The following LRRIQ1 variants were observed in gnomAD, a reference collection of about 807,000 sequenced individuals.
LRRIQ1 encodes the protein leucine-rich repeat- and IQ domain-containing protein 1.
LRRIQ1 carries 210 observed loss-of-function variants against 211.9 expected under a neutral mutation model. That is an observed-to-expected ratio of 0.99 (90% confidence interval 0.89 to 1.11). LRRIQ1 has a LOEUF of 1.11. Among genes scored for constraint, LRRIQ1 ranks in the 50% most tolerant of loss-of-function variants. The probability of loss-of-function intolerance (pLI) is 0.00; values close to 1 mark genes in which losing one functional copy is unlikely to be tolerated. For synonymous variants in LRRIQ1, 699 were observed against 650.1 expected (o/e 1.08, Z -1.14); for missense variants, 2,136 against 1,939.5 (o/e 1.10, Z -1.90).
rs748948115 is a variant in LRRIQ1 at position 85,057,044 on chromosome 12, C to A, written c.2251C>A (p.Pro751Thr). 2 of 1,608,592 alleles carry A rather than the reference C, an allele frequency of 1.2e-6. No individual in the cohort carries two copies. The highest frequency in any genetic ancestry group is 2.2e-5 in the South Asian group (2 of 89,888). ...RRLAWIKSFK[P>T]WLEIFKQNQQ... The stretch of plus-strand genomic sequence containing the variant: ...ACTAGCCTGGATAAAATCATTTAAA[C>A]CTTGGCTTGAAATTTTCAAGCAAAA... Residue 751 changes from proline (P) to threonine (T), a missense_variant, in exon 8 of 27, where the codon CCT becomes ACT. Physicochemically the swap from Pro to Thr is conservative, Grantham distance 38 (BLOSUM62 -1). Coordinates refer to ENST00000393217, the MANE Select transcript of LRRIQ1 (RefSeq NM_001079910.2).
At position 85,153,190 on chromosome 12, in the gene LRRIQ1, C is replaced by A. The variant is rs759573917; in HGVS notation, c.4541+45C>A. 6 of 1,508,106 alleles carry A rather than the reference C, an allele frequency of 4.0e-6. No homozygotes were observed. The South Asian group carries it at 7.5e-5, about 19-fold the overall frequency. 93.4% of individuals were successfully genotyped at this position (1,508,106 alleles called of 1,614,324 possible). A position where few individuals can be genotyped will look rare whatever the true frequency, so the allele number is the denominator to read the frequency against. ...TAGAGAATCAACTTGTGAATGACAA[C>A]AGTATTACATATCATACAAAAGTAG... is the stretch of plus-strand genomic sequence containing the variant. On this transcript the variant is annotated intron_variant, in intron 21 of 26. Transcript: ENST00000393217.
chr12:85,183,385 G>GA (rs907819938), intron 24 of LRRIQ1, among the ~76,000 whole-genome samples: 20 of 149,974 alleles, frequency 1.3e-4, no homozygotes, highest in African/African-American at 3.4e-4. Flanking sequence ...CTTGTAGACT[G>GA]AAAAAAAAAT....
chr12:85,229,744 T>C, intron 25 of LRRIQ1, 95 bp downstream of exon 25: 2 of 1,287,764 alleles, frequency 1.6e-6, no homozygotes, highest in East Asian at 2.4e-5. Flanking sequence ...CATGACTTTA[T>C]TGCCAAAGGC....
chr12:85,197,381 A>G (rs1300003436), intron 24 of LRRIQ1, among the ~76,000 whole-genome samples: 2 of 151,862 alleles, frequency 1.3e-5, no homozygotes, highest in Admixed American at 6.6e-5. Flanking sequence ...ATGCACCTGT[A>G]TGTTTATTGC....
At chr12:85,194,872 A>G (rs1482378957) in intron 24 of LRRIQ1, among the ~76,000 whole-genome samples, 13 of 152,136 alleles carry the variant, frequency 8.5e-5, no homozygotes, top group East Asian at 1.9e-4. Context: ...CAAAAAATTA[A>G]TGAATCCAGG....
intron 18 of LRRIQ1, among the ~76,000 whole-genome samples, chr12:85,132,860 C>T (rs1262727492): frequency 6.6e-6 from 1 of 151,796 alleles, no homozygotes; most frequent in African/African-American, 2.4e-5. Context: ...TGTTATTTAT[C>T]TCTGTGGTAG....
chr12:85,201,445 A>G (rs1893288210), intron 24 of LRRIQ1, among the ~76,000 whole-genome samples: 1 of 151,664 alleles, frequency 6.6e-6, no homozygotes, highest in Admixed American at 6.6e-5. Context: ...TGGCCAACTT[A>G]CTACTGATTC....
At position 85,153,904 on chromosome 12, in the gene LRRIQ1, A is replaced by G; in HGVS notation, c.4638-108A>G. The G allele has an allele frequency of 3.1e-6, 3 of 955,320 alleles. No homozygotes were observed. The South Asian group carries it at 5.5e-5, about 18-fold the overall frequency. 59.2% of individuals were successfully genotyped at this position (955,320 alleles called of 1,614,324 possible). ...TTTAGTTTCTTAAATGGGAATTCACATTTATTTTAGTATGCTATAATTCAG... is the reference window on the plus strand; with the variant it reads ...TTTAGTTTCTTAAATGGGAATTCACGTTTATTTTAGTATGCTATAATTCAG... On this transcript the variant is annotated intron_variant, in intron 22 of 26. Coordinates refer to ENST00000393217, the MANE Select transcript of LRRIQ1 (RefSeq NM_001079910.2).
intron 19 of LRRIQ1, among the ~76,000 whole-genome samples, chr12:85,139,094 G>A (rs1889343516): frequency 6.6e-6 from 1 of 151,468 alleles, no homozygotes; most frequent in Non-Finnish European, 1.5e-5. Context: ...TACTTCCAAA[G>A]TAAGGGGTGG....
chr12:85,087,163 A>G (rs539861580), intron 11 of LRRIQ1, among the ~76,000 whole-genome samples: 163 of 151,994 alleles, frequency 1.1e-3, no homozygotes, highest in African/African-American at 3.5e-3. Context: ...TCATTGTTCA[A>G]TTCCCACCTA....
At position 85,037,756 on chromosome 12, in the gene LRRIQ1, C is replaced by T. The variant is rs115869572; in HGVS notation, c.-24-397C>T. 8.0e-3 allele frequency among the ~76,000 whole-genome samples: 1,218 copies of T among 151,982 alleles called. 18 individuals carry two copies. Among genetic ancestry groups the T allele is most frequent in the African/African-American group, 0.028 (1,161 of 41,462 alleles). The stretch of plus-strand genomic sequence containing the variant: ...ATAGCTGACTAGTACGTTTTCAAAC[C>T]TTTTTTGGGACTAAGACCAACAGTG... On this transcript the variant is annotated intron_variant, in intron 1 of 26. Coordinates refer to ENST00000393217, the MANE Select transcript of LRRIQ1 (RefSeq NM_001079910.2).
intron 24 of LRRIQ1, among the ~76,000 whole-genome samples, chr12:85,198,884 TA>T (rs1336885880): frequency 6.6e-6 from 1 of 152,036 alleles, no homozygotes; most frequent in Non-Finnish European, 1.5e-5. Context: ...AAGCATTTTT[TA>T]TATGTTTGTT....
intron 1 of LRRIQ1, among the ~76,000 whole-genome samples, chr12:85,261,801 A>ATTTATTTGTTTG (rs752042225): frequency 0.052 from 7,803 of 149,072 alleles, 602 homozygotes; most frequent in African/African-American, 0.17. Context: ...TTATTTATTT[A>ATTTATTTGTTTG]TTTTTGAGAC....
At chr12:85,196,659 C>T (rs1592954348) in intron 24 of LRRIQ1, among the ~76,000 whole-genome samples, 1 of 152,094 alleles carries the variant, frequency 6.6e-6, no homozygotes. Flanking sequence ...TTCCTTACAC[C>T]TTATACAAAA....
At chr12:85,071,264 G>A (rs1883054401) in intron 10 of LRRIQ1, among the ~76,000 whole-genome samples, 1 of 151,812 alleles carries the variant, frequency 6.6e-6, no homozygotes, top group African/African-American at 2.4e-5. Context: ...ACGTATCTAA[G>A]GAAATACATG....
intron 18 of LRRIQ1, among the ~76,000 whole-genome samples, chr12:85,135,512 C>A (rs1218388107): frequency 6.6e-6 from 1 of 150,818 alleles, no homozygotes. Flanking sequence ...TGTAAAAATA[C>A]AAAAAAAATA....
intron 16 of LRRIQ1, among the ~76,000 whole-genome samples, chr12:85,122,430 A>G (rs1888053070): frequency 6.6e-6 from 1 of 152,086 alleles, no homozygotes; most frequent in African/African-American, 2.4e-5. Flanking sequence ...AAGAAAGAAA[A>G]CTTCCTATTC....
chr12:85,269,969 A>G, the LRRIQ1 span, among the ~76,000 whole-genome samples: 1 of 151,934 alleles, frequency 6.6e-6, no homozygotes, highest in African/African-American at 2.4e-5. Context: ...TTCTTACTAT[A>G]TCTTCACATA....
At chr12:85,104,372 T>G (rs1886622177) in intron 14 of LRRIQ1, among the ~76,000 whole-genome samples, 13 of 151,896 alleles carry the variant, frequency 8.6e-5, no homozygotes. Flanking sequence ...AGTATACCTT[T>G]CTAACAGGTA....
Sources: gnomAD v4.1 joint callset for allele counts (sites outside exome capture counted in the v4.1 genomes callset) on GRCh38, gnomAD v4.1.1 for gene constraint, MANE v1.5 for transcripts, NCBI Gene and HGNC (gene_info 2026-07-23, HGNC 2026-07-21) for gene names.